The following SPAG16 variants were observed in gnomAD, a reference collection of about 807,000 sequenced individuals.
SPAG16 encodes sperm associated antigen 16.
A neutral mutation model predicts 80.4 loss-of-function variants in SPAG16; 86 were observed. The ratio of observed to expected loss-of-function variants is 1.07; its 90% CI spans 0.90 to 1.28. SPAG16 has a LOEUF of 1.28. SPAG16 is among the 50% of genes most tolerant of loss of function. SPAG16 has a pLI of 0.00. For synonymous variants in SPAG16, 294 were observed against 265.9 expected (o/e 1.11, Z -1.03); for missense variants, 870 against 765.3 (o/e 1.14, Z -1.61).
rs549857498 is a variant in SPAG16 at position 213,897,809 on chromosome 2, A to T, written c.1215-32151A>T. On this transcript the variant is annotated intron_variant, in intron 11 of 15. Transcript: ENST00000331683. ...AGAGTGATTGCCCAGTGGGGTTCACATTTATTCTGCTCATAAAATCCCATC... is the reference window on the plus strand; with the variant it reads ...AGAGTGATTGCCCAGTGGGGTTCACTTTTATTCTGCTCATAAAATCCCATC... Among the ~76,000 whole-genome samples the T allele has an allele frequency of 2.0e-5, 3 of 152,254 alleles. No individual in the cohort carries two copies. The South Asian group carries it at 6.2e-4, about 32-fold the overall frequency.
At chr2:213,536,984 T>C (rs935456021) in intron 10 of SPAG16, among the ~76,000 whole-genome samples, 3 of 151,794 alleles carry the variant, frequency 2.0e-5, no homozygotes, top group African/African-American at 7.3e-5. Context: ...TATGCAGCCA[T>C]AAAAAAGATG....
intron 12 of SPAG16, among the ~76,000 whole-genome samples, chr2:213,935,721 A>T (rs2078961022): frequency 6.6e-6 from 1 of 152,190 alleles, no homozygotes; most frequent in Admixed American, 6.5e-5. Flanking sequence ...TACTGATAGG[A>T]ATGAGTTTTG....
At chr2:213,718,476 C>G (rs1187603307) in intron 10 of SPAG16, among the ~76,000 whole-genome samples, 1 of 152,178 alleles carries the variant, frequency 6.6e-6, no homozygotes, top group Non-Finnish European at 1.5e-5. Flanking sequence ...CCTCAGCTTT[C>G]AGGGAGGTGT....
intron 10 of SPAG16, among the ~76,000 whole-genome samples, chr2:213,750,016 C>T (rs1239938765): frequency 6.6e-6 from 1 of 152,080 alleles, no homozygotes; most frequent in African/African-American, 2.4e-5. Context: ...ATCCCGAGGC[C>T]CAGCATTATT....
intron 4 of SPAG16, among the ~76,000 whole-genome samples, chr2:213,313,295 A>T (rs1473714184): frequency 6.6e-6 from 1 of 151,978 alleles, no homozygotes; most frequent in African/African-American, 2.4e-5. Flanking sequence ...CAAAATTAAT[A>T]ACATGTTTAT....
chr2:213,839,382 CA>C lies in SPAG16; in HGVS notation c.1071-23102del, dbSNP rs1401104308. Among the ~76,000 whole-genome samples, 13 of 152,166 alleles carry C rather than the reference CA, an allele frequency of 8.5e-5. No homozygotes were observed. The East Asian group carries it at 2.3e-3, about 27-fold the overall frequency. ...TTTCCTCTCTACATATATGAGAAAA[CA>C]TTTTTTTATGATTTTTTCCATCTCT... On this transcript the variant is annotated intron_variant, in intron 10 of 15. Transcript: ENST00000331683.
At chr2:214,024,602 T>C (rs983315996) in intron 13 of SPAG16, among the ~76,000 whole-genome samples, 1 of 151,610 alleles carries the variant, frequency 6.6e-6, no homozygotes, top group Non-Finnish European at 1.5e-5. Flanking sequence ...TTAAAGATAT[T>C]TGTTTATTCC....
At chr2:213,343,849 A>T (rs1440792294) in intron 6 of SPAG16, among the ~76,000 whole-genome samples, 1 of 152,126 alleles carries the variant, frequency 6.6e-6, no homozygotes, top group Admixed American at 6.6e-5. Flanking sequence ...AAAAAGACTG[A>T]AAAAACATAA....
intron 10 of SPAG16, among the ~76,000 whole-genome samples, chr2:213,789,462 T>C (rs749981408): frequency 6.1e-4 from 92 of 152,014 alleles, no homozygotes; most frequent in Non-Finnish European, 8.7e-4. Context: ...TGTTCAGATT[T>C]ATCTGAGAGT....
chr2:213,823,290 A>G (rs542709611), intron 10 of SPAG16, among the ~76,000 whole-genome samples: 14 of 152,274 alleles, frequency 9.2e-5, no homozygotes, highest in African/African-American at 3.1e-4. Context: ...ATGGTATCTC[A>G]GGGTGGTTTT....
chr2:213,450,648 C>T (rs372507811), intron 9 of SPAG16, among the ~76,000 whole-genome samples: 9 of 152,178 alleles, frequency 5.9e-5, no homozygotes, highest in Admixed American at 1.3e-4. Context: ...TTTATGTATA[C>T]TTCAGTGGCT....
At chr2:213,609,642 C>T (rs2061379087) in intron 10 of SPAG16, among the ~76,000 whole-genome samples, 1 of 152,136 alleles carries the variant, frequency 6.6e-6, no homozygotes, top group Non-Finnish European at 1.5e-5. Context: ...TATATAGGAG[C>T]TGTCCCCTCT....
intron 9 of SPAG16, among the ~76,000 whole-genome samples, chr2:213,440,415 C>T (rs141784808): frequency 0.015 from 2,210 of 152,070 alleles, 24 homozygotes; most frequent in South Asian, 0.038. Context: ...TTTAGCTGGG[C>T]GTGGCGGCGG....
At chr2:213,415,084 G>A (rs1195005705) in intron 9 of SPAG16, among the ~76,000 whole-genome samples, 1 of 152,212 alleles carries the variant, frequency 6.6e-6, no homozygotes, top group Non-Finnish European at 1.5e-5. Flanking sequence ...GGGAATTACG[G>A]GAGTACAATT....
At chr2:214,067,173 G>T (rs1294299262) in intron 13 of SPAG16, among the ~76,000 whole-genome samples, 1 of 152,158 alleles carries the variant, frequency 6.6e-6, no homozygotes, top group Non-Finnish European at 1.5e-5. Flanking sequence ...GGGAGGGAGA[G>T]CAATAAGACC....
At chr2:214,176,769 C>T (rs1226112651) in intron 15 of SPAG16, among the ~76,000 whole-genome samples, 3 of 150,854 alleles carry the variant, frequency 2.0e-5, no homozygotes, top group Non-Finnish European at 4.5e-5. Context: ...AGAGCAAATT[C>T]CACTAGTGCC....
rs1049868057 is a variant in SPAG16, at chr2:214,268,661, A to G, written c.1720+119395A>G. Reference sequence around the variant, plus strand: ...GAAAATAAATAAATTAACAGATGGCATTTGAATTTATGATAAAAGTAAACA... The same window carrying G: ...GAAAATAAATAAATTAACAGATGGCGTTTGAATTTATGATAAAAGTAAACA... On this transcript the variant is annotated intron_variant, in intron 15 of 15. Transcript: ENST00000331683. Among the ~76,000 whole-genome samples the G allele has an allele frequency of 5.9e-5, 9 of 152,010 alleles. No individual in the cohort carries two copies. In the East Asian group the frequency reaches 1.3e-3, roughly 23 times the overall value.
chr2:213,406,608 T>C (rs1164952109), intron 9 of SPAG16, among the ~76,000 whole-genome samples: 1 of 152,192 alleles, frequency 6.6e-6, no homozygotes, highest in Admixed American at 6.5e-5. Flanking sequence ...TGTTACCATA[T>C]TATACAGAAA....
rs374708926 is a variant in SPAG16, at chr2:213,400,416, G to A, written c.942+25297G>A. Reference sequence around the variant, plus strand: ...TTCTTTGTCCTGTGGCTTATGTAGAGGACATTTTCAAATTTACATATGCAT... The same window carrying A: ...TTCTTTGTCCTGTGGCTTATGTAGAAGACATTTTCAAATTTACATATGCAT... On this transcript the variant is annotated intron_variant, in intron 9 of 15. Transcript: ENST00000331683. Among the ~76,000 whole-genome samples, 30 of 152,178 alleles carry A rather than the reference G, an allele frequency of 2.0e-4. No homozygotes were observed. In the East Asian group the frequency reaches 4.4e-3, roughly 23 times the overall value.
Sources: gnomAD v4.1 joint callset for allele counts (sites outside exome capture counted in the v4.1 genomes callset) on GRCh38, gnomAD v4.1.1 for gene constraint, MANE v1.5 for transcripts, NCBI Gene and HGNC (gene_info 2026-07-23, HGNC 2026-07-21) for gene names.